C1QTNF3: variants seen among roughly 807,000 people sequenced by gnomAD.
C1QTNF3 encodes the protein complement C1q tumor necrosis factor-related protein 3.
C1QTNF3 carries 26 observed loss-of-function variants against 32.6 expected under a neutral mutation model. That is an observed-to-expected ratio of 0.80 (90% CI 0.58 to 1.11). The LOEUF (loss-of-function observed/expected upper bound fraction) is 1.11, where lower values mean the gene tolerates loss of function less well. Among genes scored for constraint, C1QTNF3 ranks in the 50% least tolerant of loss-of-function variants. C1QTNF3 has a pLI of 0.00. For missense variants in C1QTNF3, 362 were observed against 398.2 expected (o/e 0.91, Z 0.77); for synonymous variants, 155 against 146.0 (o/e 1.06, Z -0.44).
the C1QTNF3 span, among the ~76,000 whole-genome samples, chr5:34,164,021 C>T: frequency 3.3e-5 from 5 of 152,100 alleles, no homozygotes; most frequent in African/African-American, 9.7e-5. Context: ...CACAGCAGTG[C>T]TGACGTGATC....
the C1QTNF3 span, among the ~76,000 whole-genome samples, chr5:34,209,842 T>C: frequency 2.6e-5 from 4 of 152,118 alleles, no homozygotes; most frequent in South Asian, 2.1e-4. Context: ...AAAATCTTTA[T>C]CAGATTTCCT....
the C1QTNF3 span, among the ~76,000 whole-genome samples, chr5:34,123,299 T>C: frequency 6.6e-6 from 1 of 152,208 alleles, no homozygotes; most frequent in Non-Finnish European, 1.5e-5. Flanking sequence ...TTTTGCCCTG[T>C]TGGTGTTGGA....
At chr5:34,034,919 T>C (rs373811125) in intron 2 of C1QTNF3, among the ~76,000 whole-genome samples, 14 of 152,290 alleles carry the variant, frequency 9.2e-5, no homozygotes, top group Admixed American at 5.2e-4. Context: ...CCACATTTGA[T>C]AAATATTAAC....
At chr5:34,040,711 C>T (rs1308987904) in intron 1 of C1QTNF3, among the ~76,000 whole-genome samples, 4 of 152,060 alleles carry the variant, frequency 2.6e-5, no homozygotes, top group Non-Finnish European at 5.9e-5. Flanking sequence ...GCACTAAAGT[C>T]GTGTAATGTC....
chr5:34,228,164 G>A, the C1QTNF3 span, among the ~76,000 whole-genome samples: 1 of 151,864 alleles, frequency 6.6e-6, no homozygotes, highest in Non-Finnish European at 1.5e-5. Context: ...AGTTGGTAAA[G>A]TTCACAGAGA....
chr5:34,107,971 T>C, the C1QTNF3 span, among the ~76,000 whole-genome samples: 1 of 152,122 alleles, frequency 6.6e-6, no homozygotes, highest in East Asian at 1.9e-4. Flanking sequence ...ATCATTTGCT[T>C]CTGCTGTTCT....
chr5:34,239,777 C>T, the C1QTNF3 span, among the ~76,000 whole-genome samples: 64 of 152,044 alleles, frequency 4.2e-4, no homozygotes, highest in African/African-American at 1.5e-3. Context: ...CACACTTGAC[C>T]ATTTGGACCT....
At chr5:34,107,108 G>A in the C1QTNF3 span, among the ~76,000 whole-genome samples, 1 of 77,662 alleles carries the variant, frequency 1.3e-5, no homozygotes, top group East Asian at 2.5e-4. Flanking sequence ...GTCTAGATGG[G>A]CATTTTAGAC....
chr5:34,129,763 T>C, the C1QTNF3 span, among the ~76,000 whole-genome samples: 5 of 151,962 alleles, frequency 3.3e-5, no homozygotes, highest in South Asian at 2.1e-4. Flanking sequence ...AGTGGGCCTA[T>C]TGGGTCTTCT....
chr5:34,105,334 C>T, the C1QTNF3 span, among the ~76,000 whole-genome samples: 1 of 151,816 alleles, frequency 6.6e-6, no homozygotes, highest in Admixed American at 6.6e-5. Flanking sequence ...TTTGGAGCTC[C>T]GAATATTTAA....
chr5:34,176,540 G>A, the C1QTNF3 span, among the ~76,000 whole-genome samples: 1 of 151,714 alleles, frequency 6.6e-6, no homozygotes, highest in African/African-American at 2.4e-5. Flanking sequence ...TTACTTTTCC[G>A]TCTCTATCTG....
chr5:34,068,961 G>A, the C1QTNF3 span, among the ~76,000 whole-genome samples: 3 of 151,320 alleles, frequency 2.0e-5, no homozygotes, highest in East Asian at 5.8e-4. Flanking sequence ...TTAATCCCCT[G>A]CAAATGTACT....
the C1QTNF3 span, among the ~76,000 whole-genome samples, chr5:34,205,416 A>G: frequency 6.6e-6 from 1 of 152,038 alleles, no homozygotes; most frequent in Non-Finnish European, 1.5e-5. Flanking sequence ...GTCTAGTGGG[A>G]GGGGATTGGA....
the C1QTNF3 span, among the ~76,000 whole-genome samples, chr5:34,073,690 A>C: frequency 1.3e-5 from 2 of 152,084 alleles, no homozygotes; most frequent in Non-Finnish European, 2.9e-5. Context: ...ATTCCTTCAC[A>C]ATGTATTTTA....
the C1QTNF3 span, chr5:34,167,205 A>G: frequency 1.3e-5 from 2 of 152,166 alleles, no homozygotes; most frequent in East Asian, 3.8e-4. Context: ...GTCTCTGCTC[A>G]TAGAACGCTT....
At chr5:34,209,592 T>A in the C1QTNF3 span, among the ~76,000 whole-genome samples, 2 of 152,076 alleles carry the variant, frequency 1.3e-5, no homozygotes, top group African/African-American at 2.4e-5. Context: ...AAGTAGAATA[T>A]CTTTAGACTA....
At chr5:34,140,867 A>C in the C1QTNF3 span, among the ~76,000 whole-genome samples, 3 of 152,172 alleles carry the variant, frequency 2.0e-5, no homozygotes, top group African/African-American at 7.2e-5. Context: ...TCTAAAGAAA[A>C]CAAAACAAAT....
At chr5:34,169,039 C>A in the C1QTNF3 span, 1 of 152,144 alleles carries the variant, frequency 6.6e-6, no homozygotes, top group Non-Finnish European at 1.5e-5. Context: ...TCGGTTCCTT[C>A]CTTCATGAGA....
At chr5:34,209,028 G>T in the C1QTNF3 span, among the ~76,000 whole-genome samples, 2 of 152,084 alleles carry the variant, frequency 1.3e-5, no homozygotes, top group African/African-American at 4.8e-5. Context: ...GTAAGTTTAG[G>T]GCAGGAAAAC....
Sources: gnomAD v4.1 joint callset for allele counts (sites outside exome capture counted in the v4.1 genomes callset) on GRCh38, gnomAD v4.1.1 for gene constraint, MANE v1.5 for transcripts, NCBI Gene and HGNC (gene_info 2026-07-23, HGNC 2026-07-21) for gene names.